Variants in SPRY3 observed in about 807,000 individuals in gnomAD.
The protein encoded by SPRY3 is protein sprouty homolog 3.
Under a neutral mutation model 20.2 loss-of-function variants are expected in SPRY3, and 15 were observed. That is an observed-to-expected ratio of 0.74 (90% CI 0.50 to 1.14). SPRY3 has a LOEUF of 1.14. Ranked by LOEUF, SPRY3 falls within the 50% of genes most tolerant of loss-of-function variation. SPRY3 has a pLI of 0.00. For synonymous variants in SPRY3, 143 were observed against 136.5 expected, an observed-to-expected ratio of 1.05 and a Z score of -0.33; for missense variants, 364 against 363.9, an observed-to-expected ratio of 1.00 and a Z score of 0.00.
intron 2 of SPRY3, among the ~76,000 whole-genome samples, chrX:155,713,164 AC>A (rs1386208237): frequency 6.6e-6 from 1 of 152,004 alleles, no homozygotes; most frequent in Non-Finnish European, 1.5e-5. Context: ...ACATAGGTAT[AC>A]ATGTGCCATG....
At chrX:155,621,970 G>C (rs962637737) in intron 1 of SPRY3, among the ~76,000 whole-genome samples, 2 of 111,770 alleles carry the variant, frequency 1.8e-5, no homozygotes, top group South Asian at 7.5e-4. Context: ...AAGGCTACCC[G>C]CAAAGGGCAG....
intron 1 of SPRY3, among the ~76,000 whole-genome samples, chrX:155,616,061 A>G (rs1251203523): frequency 1.0e-5 from 1 of 99,125 alleles, no homozygotes; most frequent in Non-Finnish European, 2.0e-5. Context: ...TGACTCTATC[A>G]TTCTTTTACC....
At chrX:155,660,666 C>A (rs1226780614) in intron 2 of SPRY3, among the ~76,000 whole-genome samples, 1 of 110,525 alleles carries the variant, frequency 9.0e-6, no homozygotes, top group Non-Finnish European at 1.9e-5. Flanking sequence ...TTTCTTAGGT[C>A]TAGTAGTATT....
chrX:155,624,598 AC>A (rs2067882395), intron 1 of SPRY3, among the ~76,000 whole-genome samples: 1 of 110,448 alleles, frequency 9.1e-6, no homozygotes, highest in Non-Finnish European at 1.9e-5. Flanking sequence ...CCATAGCAAC[AC>A]TACAAAATCC....
At chrX:155,642,737 T>C (rs2067946003) in intron 1 of SPRY3, among the ~76,000 whole-genome samples, 1 of 112,173 alleles carries the variant, frequency 8.9e-6, no homozygotes, top group South Asian at 3.7e-4. Context: ...ATTGACTCAC[T>C]GGTCATTTAA....
intron 2 of SPRY3, among the ~76,000 whole-genome samples, chrX:155,766,310 A>G (rs1018441938): frequency 3.9e-5 from 6 of 152,180 alleles, no homozygotes; most frequent in Admixed American, 2.6e-4. Context: ...GGTAAATGAC[A>G]GAGTGTCAGA....
intron 1 of SPRY3, among the ~76,000 whole-genome samples, chrX:155,636,754 G>A (rs2067924866): frequency 9.1e-6 from 1 of 110,418 alleles, no homozygotes; most frequent in Non-Finnish European, 1.9e-5. Context: ...TGAATTTGAA[G>A]AGAAATCAAC....
intron 2 of SPRY3, among the ~76,000 whole-genome samples, chrX:155,748,758 G>A (rs2091242412): frequency 6.6e-6 from 1 of 151,780 alleles, no homozygotes. Context: ...GGGAAATACT[G>A]GCTTTTCTCT....
At chrX:155,743,248 C>G (rs1210865549) in intron 2 of SPRY3, among the ~76,000 whole-genome samples, 2 of 151,994 alleles carry the variant, frequency 1.3e-5, no homozygotes, top group African/African-American at 4.8e-5. Context: ...ACACATACAC[C>G]CTCCCAAGAC....
chrX:155,697,894 A>G (rs903347704), intron 2 of SPRY3, among the ~76,000 whole-genome samples: 2 of 110,803 alleles, frequency 1.8e-5, no homozygotes, highest in Non-Finnish European at 3.8e-5. Flanking sequence ...AACCTAATTC[A>G]ATCTTTCTCA....
intron 2 of SPRY3, among the ~76,000 whole-genome samples, chrX:155,705,756 A>G (rs1408986392): frequency 3.3e-5 from 5 of 151,426 alleles, no homozygotes; most frequent in Non-Finnish European, 4.4e-5. Context: ...AAGGAATATT[A>G]ACAGGGATAT....
intron 3 of SPRY3, among the ~76,000 whole-genome samples, chrX:155,773,429 C>T (rs1046468065): frequency 1.3e-5 from 2 of 150,286 alleles, no homozygotes. Context: ...ATATTAGGTT[C>T]CATTTGTATT....
At chrX:155,618,699 GTATTTTTTATCTTAGC>G (rs1557349124) in intron 1 of SPRY3, among the ~76,000 whole-genome samples, 3 of 111,491 alleles carry the variant, frequency 2.7e-5, no homozygotes, top group African/African-American at 9.8e-5. Context: ...ATTTTGTACT[GTATTTTTTATCTTAGC>G]TATTTTTTAT....
intron 2 of SPRY3, among the ~76,000 whole-genome samples, chrX:155,751,091 G>A (rs1052122109): frequency 6.6e-6 from 1 of 151,874 alleles, no homozygotes; most frequent in African/African-American, 2.4e-5. Context: ...TGAGGTCCCA[G>A]TAGGTTCAAG....
intron 2 of SPRY3, among the ~76,000 whole-genome samples, chrX:155,765,349 C>G (rs2091321153): frequency 6.6e-6 from 1 of 152,152 alleles, no homozygotes; most frequent in South Asian, 2.1e-4. Context: ...ACTGTGTAAC[C>G]TTGGACAAGT....
At chrX:155,716,310 T>G (rs915875084) in intron 2 of SPRY3, among the ~76,000 whole-genome samples, 3 of 152,308 alleles carry the variant, frequency 2.0e-5, no homozygotes, top group Non-Finnish European at 4.4e-5. Context: ...AACCCTATAC[T>G]TTTTATTTTG....
chrX:155,713,417 C>T lies in SPRY3; in HGVS notation c.-281-54545C>T, dbSNP rs186367373. 9.1e-3 allele frequency among the ~76,000 whole-genome samples: 1,391 copies of T among 152,090 alleles called. 19 individuals are homozygous for T. The highest frequency in any genetic ancestry group is 0.032 in the African/African-American group (1,327 of 41,510). On this transcript the variant is annotated intron_variant, in intron 2 of 3. Coordinates refer to ENST00000675360, the Ensembl canonical transcript of SPRY3. ...GTCTGGAGTTGATTAAATCTCTCAGCTTTTGTTTGTCTGGGAATGTATTTC... is the reference window on the plus strand; with the variant it reads ...GTCTGGAGTTGATTAAATCTCTCAGTTTTTGTTTGTCTGGGAATGTATTTC...
intron 2 of SPRY3, among the ~76,000 whole-genome samples, chrX:155,707,643 A>G (rs1325392449): frequency 2.0e-5 from 3 of 151,140 alleles, no homozygotes; most frequent in Non-Finnish European, 4.5e-5. Context: ...TGCATTTATA[A>G]TTGTTACATA....
At chrX:155,754,142 T>A (rs1489798394) in intron 2 of SPRY3, among the ~76,000 whole-genome samples, 2 of 152,022 alleles carry the variant, frequency 1.3e-5, no homozygotes, top group African/African-American at 4.8e-5. Context: ...CTTTTCTTGT[T>A]GCGTCTAGGA....
Sources: gnomAD v4.1 joint callset for allele counts (sites outside exome capture counted in the v4.1 genomes callset) on GRCh38, gnomAD v4.1.1 for gene constraint, MANE v1.5 for transcripts, NCBI Gene and HGNC (gene_info 2026-07-23, HGNC 2026-07-21) for gene names.